Variants in MYB observed in about 807,000 individuals in gnomAD.
The protein encoded by MYB is transcriptional activator Myb.
In MYB, 28 loss-of-function variants were observed where a neutral mutation model predicts 92.9. That is an observed-to-expected ratio of 0.30 (90% CI 0.22 to 0.41). MYB has a LOEUF of 0.41. MYB is among the 10% of genes least tolerant of loss of function. The probability of loss-of-function intolerance (pLI) is 1.00; values close to 1 mark genes in which losing one functional copy is unlikely to be tolerated. For synonymous variants in MYB, 295 were observed against 329.1 expected (o/e 0.90, Z 1.12); for missense variants, 679 against 929.3 (o/e 0.73, Z 3.50).
At chr6:135,187,027 G>A (rs564804900) in intron 2 of MYB, among the ~76,000 whole-genome samples, 46 of 152,170 alleles carry the variant, frequency 3.0e-4, no homozygotes, top group African/African-American at 1.1e-3. Flanking sequence ...CTTATGATAC[G>A]GAAATTCTGT....
Position 135,190,111 on chromosome 6 carries a change from G to T in MYB, c.307-16G>T, listed in dbSNP as rs1249961439. ...TAACTTTAAAACATAGGTTATTTTTGTGTGTTTATCTGAAGGTGATAGAGC... is the reference window on the plus strand; with the variant it reads ...TAACTTTAAAACATAGGTTATTTTTTTGTGTTTATCTGAAGGTGATAGAGC... On this transcript the variant is annotated splice_polypyrimidine_tract_variant and intron_variant, in intron 4 of 15. Coordinates refer to ENST00000341911, the MANE Select transcript of MYB (RefSeq NM_001130173.2). The surrounding 1 kb of genome is among the most constrained non-coding windows in gnomAD (Gnocchi z 4.5). The T allele has an allele frequency of 3.1e-6, 5 of 1,608,362 alleles. No individual in the cohort carries two copies. Among genetic ancestry groups the T allele is most frequent in the African/African-American group, 1.3e-5 (1 of 74,832 alleles).
At chr6:135,206,804 A>G (rs1779007547) in intron 15 of MYB, among the ~76,000 whole-genome samples, 1 of 152,228 alleles carries the variant, frequency 6.6e-6, no homozygotes, top group African/African-American at 2.4e-5. Flanking sequence ...AAAAAGAAAT[A>G]TTCACTAAAT....
Position 135,195,807 on chromosome 6 carries a change from C to T in MYB, c.1008C>T (p.Thr336=), listed in dbSNP as rs774947316. ...GWHSTTIADH[T]RPHGDSAPVS... is the part of the protein sequence containing the mutation. ...ACAGCACCACCATTGCCGACCACAC[C>T]AGACCTCATGGAGACAGTGCACCTG... is the stretch of plus-strand genomic sequence containing the variant. Residue 336 remains threonine, a synonymous_variant, in exon 9 of 16, where the codon ACC becomes ACT. Coordinates refer to ENST00000341911, the MANE Select transcript of MYB (RefSeq NM_001130173.2). 2 of 1,614,202 alleles carry T rather than the reference C, an allele frequency of 1.2e-6. No individual in the cohort carries two copies. The highest frequency in any genetic ancestry group is 2.2e-5 in the South Asian group (2 of 91,084).
rs779349426 is a variant in MYB at position 135,192,571 on chromosome 6, T to C, written c.762+13T>C. The stretch of plus-strand genomic sequence containing the variant: ...TGAAGCACAAAATGTAAGCCATTCC[T>C]GTGAATCTAGTTTAATGAGAGAGAC... On this transcript the variant is annotated intron_variant, in intron 6 of 15. Transcript: ENST00000341911. 4 of 1,607,784 alleles carry C rather than the reference T, an allele frequency of 2.5e-6. No individual in the cohort carries two copies. The highest frequency in any genetic ancestry group is 3.3e-5 in the Admixed American group (2 of 60,020).
chr6:135,182,553 C>T lies in MYB; in HGVS notation c.23+1017C>T, dbSNP rs1432466365. Among the ~76,000 whole-genome samples the T allele has an allele frequency of 6.6e-6, 1 of 152,182 alleles. No homozygotes were observed. Among genetic ancestry groups the T allele is most frequent in the African/African-American group, 2.4e-5 (1 of 41,450 alleles). On this transcript the variant is annotated intron_variant, in intron 1 of 15. Coordinates refer to ENST00000341911, the MANE Select transcript of MYB (RefSeq NM_001130173.2). This position sits in a 1 kb window ranked among gnomAD's most constrained non-coding sequence, Gnocchi z 5.6. ...CCAGGCGAAAGGTCCCTGCGCGGCG[C>T]GCACACGTGGATGCGGCTGAGGTCG... is the stretch of plus-strand genomic sequence containing the variant.
In MYB at chr6:135,192,501, T is replaced by C; in HGVS notation, c.705T>C (p.Thr235=). The C allele has an allele frequency of 5.0e-6, 8 of 1,614,260 alleles. No individual in the cohort carries two copies. Among genetic ancestry groups the C allele is most frequent in the Non-Finnish European group, 6.8e-6 (8 of 1,180,040 alleles). The change falls in exon 6 of 16, where the codon ACT becomes ACC. Residue 235 remains threonine (T), a synonymous_variant. Transcript: ENST00000341911. ...QAPPTAQLPA[T]GQPTVNNDYS... ...CGCCTACAGCTCAACTCCCTGCCAC[T>C]GGCCAGCCCACTGTTAACAACGACT...
chr6:135,195,765 C>G lies in MYB; in HGVS notation c.966C>G (p.Cys322Trp), dbSNP rs1777214956. Residue 322 changes from cysteine (C) to tryptophan (W), a missense_variant, in exon 9 of 16, where the codon TGC becomes TGG. By Grantham distance (215) the Cys-to-Trp change is radical. Around this residue, in one of 8 missense-constraint regions of MYB, gnomAD observed 56 missense variants for 55.8 expected, o/e 1.00. Transcript: ENST00000341911. ...QQVLPTQNHTCSYPGWHSTTI... is the reference protein window; with the variant it reads ...QQVLPTQNHTWSYPGWHSTTI... Reference sequence around the variant, plus strand: ...TTCCTTAGACACAGAACCACACATGCAGCTACCCCGGGTGGCACAGCACCA... The same window carrying G: ...TTCCTTAGACACAGAACCACACATGGAGCTACCCCGGGTGGCACAGCACCA... 8 of 1,614,024 alleles carry G rather than the reference C, an allele frequency of 5.0e-6. No homozygotes were observed. The highest frequency in any genetic ancestry group is 6.8e-6 in the Non-Finnish European group (8 of 1,180,026).
At chr6:135,196,744 T>A (rs1357453974) in intron 9 of MYB, 4 of 1,515,496 alleles carry the variant, frequency 2.6e-6, no homozygotes, top group Admixed American at 2.0e-5. Flanking sequence ...TGTCGGGAGG[T>A]CCCTGCAGCA....
rs775444953 is a variant in MYB, at chr6:135,196,979, G to A, written c.1222G>A (p.Asp408Asn). ...GTTTCAGGATTCTTCATCATGGTGTGATCTCAGCAGTTTTGAATTCTTTGA... is the reference window on the plus strand; with the variant it reads ...GTTTCAGGATTCTTCATCATGGTGTAATCTCAGCAGTTTTGAATTCTTTGA... ...FIDSDSSSWC[D>N]LSSFEFFEEA... Residue 408 changes from aspartate (D) to asparagine (N), a missense_variant, in exon 10 of 16, where the codon GAT (aspartate) becomes AAT (asparagine). Around this residue, in one of 8 missense-constraint regions of MYB, gnomAD observed 402 missense variants for 434.2 expected, o/e 0.93. Coordinates refer to ENST00000341911, the MANE Select transcript of MYB (RefSeq NM_001130173.2). The A allele has an allele frequency of 5.6e-6, 9 of 1,613,528 alleles. No individual in the cohort carries two copies. Among genetic ancestry groups the A allele is most frequent in the African/African-American group, 1.3e-5 (1 of 75,026 alleles).
At chr6:135,188,514 G>GTTTTTTT (rs1233064841) in intron 3 of MYB, among the ~76,000 whole-genome samples, 1 of 120,992 alleles carries the variant, frequency 8.3e-6, no homozygotes, top group Non-Finnish European at 1.8e-5. Context: ...TTTGTTTTTT[G>GTTTTTTT]TTTTTTGTTT....
intron 6 of MYB, among the ~76,000 whole-genome samples, chr6:135,193,539 A>C (rs1776897644): frequency 6.6e-6 from 1 of 152,104 alleles, no homozygotes; most frequent in Non-Finnish European, 1.5e-5. Context: ...AATGTATTTT[A>C]TAATATATTT....
chr6:135,215,117 A>C (rs185077710), intron 15 of MYB, among the ~76,000 whole-genome samples: 268 of 152,338 alleles, frequency 1.8e-3, no homozygotes, highest in African/African-American at 6.1e-3. Context: ...GGGAGATGGC[A>C]CAAGCTTTGT....
rs375193872 is a variant in MYB, at chr6:135,193,834, C to T, written c.763-4C>T. 6.2e-7 allele frequency: 1 copy of T among 1,606,894 alleles called. No individual in the cohort carries two copies. The highest frequency in any genetic ancestry group is 1.3e-5 in the African/African-American group (1 of 74,880). Reference sequence around the variant, plus strand: ...GTGGCCTTTGTTTTGTCTTTTGCATCTAGGTCTCCAGTCATGTTCCATACC... The same window carrying T: ...GTGGCCTTTGTTTTGTCTTTTGCATTTAGGTCTCCAGTCATGTTCCATACC... On this transcript the variant is annotated splice_polypyrimidine_tract_variant and splice_region_variant and intron_variant, in intron 6 of 15. Transcript: ENST00000341911.
chr6:135,215,371 C>T (rs1780294490), intron 15 of MYB, among the ~76,000 whole-genome samples: 3 of 152,150 alleles, frequency 2.0e-5, no homozygotes, highest in African/African-American at 7.2e-5. Flanking sequence ...GATAAGAACT[C>T]GAATTAGAGG....
At chr6:135,184,463 AG>A in intron 1 of MYB, among the ~76,000 whole-genome samples, 1 of 152,218 alleles carries the variant, frequency 6.6e-6, no homozygotes, top group Non-Finnish European at 1.5e-5. Context: ...ACTAAATGAA[AG>A]GAATTATTAC....
intron 1 of MYB, among the ~76,000 whole-genome samples, chr6:135,184,349 T>G (rs1157069981): frequency 1.3e-5 from 2 of 150,212 alleles, no homozygotes; most frequent in Non-Finnish European, 3.0e-5. Flanking sequence ...TTTTTTTGCT[T>G]TATCATATCG....
At chr6:135,202,784 A>G (rs944072378) in intron 14 of MYB, 2 of 384,888 alleles carry the variant, frequency 5.2e-6, no homozygotes, top group Non-Finnish European at 1.0e-5. Flanking sequence ...TGGAACTCAG[A>G]AGGTCTTGTT....
At chr6:135,217,723 G>A (rs1343054107) in intron 15 of MYB, 141 bp from the exon 16 acceptor site, 8 of 716,534 alleles carry the variant, frequency 1.1e-5, no homozygotes, top group Non-Finnish European at 1.8e-5. Flanking sequence ...GGATTTCTGG[G>A]GGCCAGGGAG....
At chr6:135,183,100 G>C (rs2128280177) in intron 1 of MYB, among the ~76,000 whole-genome samples, 1 of 141,446 alleles carries the variant, frequency 7.1e-6, no homozygotes, top group South Asian at 2.5e-4. Flanking sequence ...CAGCGGCTCC[G>C]CGCCCCGAGG....
Sources: allele counts gnomAD v4.1 joint callset (sites outside exome capture counted in the v4.1 genomes callset), GRCh38; gene constraint gnomAD v4.1.1; regional missense constraint gnomAD v4.1.1; non-coding constraint Gnocchi (gnomAD v3.1); transcripts MANE v1.5; gene names NCBI Gene and HGNC (gene_info 2026-07-23, HGNC 2026-07-21).